Variants in SLC24A3 observed in about 807,000 individuals in gnomAD.
The protein encoded by SLC24A3 is solute carrier family 24 member 3.
SLC24A3 carries 28 observed loss-of-function variants against 75.8 expected under a neutral mutation model. That is an observed-to-expected ratio of 0.37 (90% confidence interval 0.27 to 0.51). The LOEUF is 0.51. Among genes scored for constraint, SLC24A3 ranks in the 20% least tolerant of loss-of-function variants. The probability of loss-of-function intolerance (pLI) is 0.94; values close to 1 mark genes in which losing one functional copy is unlikely to be tolerated. For missense variants in SLC24A3, 663 were observed against 847.8 expected (o/e 0.78, Z 2.71); for synonymous variants, 372 against 334.1 (o/e 1.11, Z -1.24).
chr20:19,484,022 A>C lies in SLC24A3; in HGVS notation c.272-31466A>C, dbSNP rs145638485. On this transcript the variant is annotated intron_variant, in intron 2 of 16. Transcript: ENST00000328041. ...TATCCAAAAGCAGGGTCTTGAAGAG[A>C]TATTTGCACACCTATGTTAATGGGA... Among the ~76,000 whole-genome samples the C allele has an allele frequency of 4.7e-4, 72 of 152,328 alleles. 1 individual carries two copies. The highest frequency in any genetic ancestry group is 1.2e-3 in the Admixed American group (19 of 15,298).
At position 19,567,662 on chromosome 20, in the gene SLC24A3, A is replaced by G. The variant is rs570898622; in HGVS notation, c.349-12338A>G. Among the ~76,000 whole-genome samples, 592 of 152,328 alleles carry G rather than the reference A, an allele frequency of 3.9e-3. 4 individuals are homozygous for G. The highest frequency in any genetic ancestry group is 0.013 in the African/African-American group (556 of 41,570). On this transcript the variant is annotated intron_variant, in intron 3 of 16. Coordinates refer to ENST00000328041, the MANE Select transcript of SLC24A3 (RefSeq NM_020689.4). ...ATCTATCCCTGAAACCTAAAAGTTC[A>G]AAAGAAAAAATAAACTTTCTAACCA...
At position 19,222,520 on chromosome 20, in the gene SLC24A3, C is replaced by G. The variant is rs546449317; in HGVS notation, c.142+9536C>G. ...GTGGTCAGTTTTCCCAGAGAAAGAT[C>G]ACTCAGCATCCTGTCTTGAGGGAAA... On this transcript the variant is annotated intron_variant, in intron 1 of 16. Coordinates refer to ENST00000328041, the MANE Select transcript of SLC24A3 (RefSeq NM_020689.4). 5.9e-5 allele frequency among the ~76,000 whole-genome samples: 9 copies of G among 152,238 alleles called. No individual in the cohort carries two copies. In the East Asian group the frequency reaches 9.7e-4, roughly 16 times the overall value.
At chr20:19,569,547 C>G (rs2031016696) in intron 3 of SLC24A3, among the ~76,000 whole-genome samples, 1 of 152,194 alleles carries the variant, frequency 6.6e-6, no homozygotes. Context: ...CTGCTCTGGA[C>G]AGGGAGATCA....
chr20:19,349,261 G>A (rs1299709674), intron 2 of SLC24A3, among the ~76,000 whole-genome samples: 1 of 152,162 alleles, frequency 6.6e-6, no homozygotes, highest in Non-Finnish European at 1.5e-5. Flanking sequence ...CTCTCTCCTT[G>A]CATCAGTCTC....
chr20:19,711,497 C>CA (rs1245145276), intron 15 of SLC24A3, among the ~76,000 whole-genome samples: 2 of 152,058 alleles, frequency 1.3e-5, no homozygotes, highest in Admixed American at 1.3e-4. Context: ...GGCAAATGCA[C>CA]ACACGTGCAT....
At chr20:19,465,796 G>T (rs764599263) in intron 2 of SLC24A3, among the ~76,000 whole-genome samples, 1 of 152,120 alleles carries the variant, frequency 6.6e-6, no homozygotes, top group Non-Finnish European at 1.5e-5. Context: ...ACTTTCTCTG[G>T]GCTTGTGCTT....
At chr20:19,718,363 C>T (rs774829792) in intron 16 of SLC24A3, among the ~76,000 whole-genome samples, 2 of 152,180 alleles carry the variant, frequency 1.3e-5, no homozygotes, top group African/African-American at 2.4e-5. Flanking sequence ...CATTCATGCT[C>T]TTATGGTTTA....
intron 2 of SLC24A3, among the ~76,000 whole-genome samples, chr20:19,320,604 A>G (rs1268736746): frequency 6.6e-6 from 1 of 152,040 alleles, no homozygotes; most frequent in African/African-American, 2.4e-5. Context: ...ATTACGTTAC[A>G]CATATTTTAT....
intron 2 of SLC24A3, among the ~76,000 whole-genome samples, chr20:19,342,870 A>T (rs1426235980): frequency 6.6e-6 from 1 of 152,082 alleles, no homozygotes; most frequent in East Asian, 1.9e-4. Flanking sequence ...GGAGATTGAG[A>T]CCATCCTGGC....
chr20:19,540,046 A>C (rs1406439289), intron 3 of SLC24A3, among the ~76,000 whole-genome samples: 2 of 152,136 alleles, frequency 1.3e-5, no homozygotes, highest in Non-Finnish European at 2.9e-5. Context: ...GGCAATAGGA[A>C]TTCTGGTTTC....
At position 19,643,971 on chromosome 20, in the gene SLC24A3, T is replaced by G. The variant is rs1387866769; in HGVS notation, c.613-10091T>G. On this transcript the variant is annotated intron_variant, in intron 6 of 16. Coordinates refer to ENST00000328041, the MANE Select transcript of SLC24A3 (RefSeq NM_020689.4). ...AATTCAGCTCCACTCTGGTTTGGAC[T>G]TCTTTATACCGTGGAAGGAATAGGA... Among the ~76,000 whole-genome samples, 3 of 152,336 alleles carry G rather than the reference T, an allele frequency of 2.0e-5. No homozygotes were observed. In the East Asian group the frequency reaches 5.8e-4, roughly 29 times the overall value.
At chr20:19,245,742 T>C (rs1382760411) in intron 1 of SLC24A3, among the ~76,000 whole-genome samples, 1 of 152,162 alleles carries the variant, frequency 6.6e-6, no homozygotes, top group Non-Finnish European at 1.5e-5. Flanking sequence ...ATGGTAATTT[T>C]AATGGTAAAT....
chr20:19,635,427 G>A (rs934381195), intron 6 of SLC24A3, among the ~76,000 whole-genome samples: 5 of 152,192 alleles, frequency 3.3e-5, no homozygotes, highest in African/African-American at 1.2e-4. Flanking sequence ...GATGAAGAAG[G>A]AGTAATCAGG....
intron 6 of SLC24A3, among the ~76,000 whole-genome samples, chr20:19,631,773 T>A (rs1204560588): frequency 7.0e-6 from 1 of 143,424 alleles, no homozygotes; most frequent in Non-Finnish European, 1.5e-5. Flanking sequence ...TATCTCTGTA[T>A]CTGTGTGTAT....
rs182930066 is a variant in SLC24A3, at chr20:19,343,745, G to C, written c.271+62658G>C. 1.2e-4 allele frequency among the ~76,000 whole-genome samples: 19 copies of C among 152,266 alleles called. No homozygotes were observed. The East Asian group carries it at 3.1e-3, about 25-fold the overall frequency. On this transcript the variant is annotated intron_variant, in intron 2 of 16. Coordinates refer to ENST00000328041, the MANE Select transcript of SLC24A3 (RefSeq NM_020689.4). ...CAGTTCTAGTTGGAGCAGAAAGAGGGACTGGAAAGTGTTAGGAAATAATGT... is the reference window on the plus strand; with the variant it reads ...CAGTTCTAGTTGGAGCAGAAAGAGGCACTGGAAAGTGTTAGGAAATAATGT...
intron 3 of SLC24A3, among the ~76,000 whole-genome samples, chr20:19,572,307 C>T (rs2031065095): frequency 6.6e-6 from 1 of 152,164 alleles, no homozygotes; most frequent in Non-Finnish European, 1.5e-5. Flanking sequence ...GATCATGCCA[C>T]TGAACTCCAG....
chr20:19,640,698 C>T (rs1461181778), intron 6 of SLC24A3, among the ~76,000 whole-genome samples: 1 of 151,992 alleles, frequency 6.6e-6, no homozygotes, highest in Non-Finnish European at 1.5e-5. Flanking sequence ...TGCAGTGAGC[C>T]GAGATCATGC....
intron 6 of SLC24A3, among the ~76,000 whole-genome samples, chr20:19,587,855 G>C (rs1600292053): frequency 6.6e-6 from 1 of 152,152 alleles, no homozygotes; most frequent in East Asian, 1.9e-4. Context: ...TGCTCTACAT[G>C]GTAAGTCAGT....
chr20:19,279,661 C>T (rs1430079614), intron 1 of SLC24A3, among the ~76,000 whole-genome samples: 1 of 152,158 alleles, frequency 6.6e-6, no homozygotes, highest in Non-Finnish European at 1.5e-5. Flanking sequence ...CCCTCTTCTC[C>T]ACCGGGAGAC....
Sources: gnomAD v4.1 joint callset for allele counts (sites outside exome capture counted in the v4.1 genomes callset) on GRCh38, gnomAD v4.1.1 for gene constraint, MANE v1.5 for transcripts, NCBI Gene and HGNC (gene_info 2026-07-23, HGNC 2026-07-21) for gene names.